Variants in SNX13 observed in about 807,000 individuals in gnomAD.
SNX13 encodes sorting nexin 13.
In SNX13, 45 loss-of-function variants were observed where a neutral mutation model predicts 133.6. The ratio of observed to expected loss-of-function variants is 0.34; its 90% confidence interval spans 0.27 to 0.43. SNX13 has a LOEUF of 0.43. Ranked by LOEUF, SNX13 falls within the 20% of genes least tolerant of loss-of-function variation. The pLI is 1.00. For synonymous variants in SNX13, 414 were observed against 373.9 expected (o/e 1.11, Z -1.24); for missense variants, 1,032 against 1,145.1 (o/e 0.90, Z 1.43).
intron 5 of SNX13, chr7:17,882,938 G>A (rs773025953): frequency 9.0e-5 from 67 of 744,284 alleles, no homozygotes; most frequent in South Asian, 1.7e-4. Context: ...GCGACAGGGC[G>A]AGACTCTGTC....
intron 8 of SNX13, among the ~76,000 whole-genome samples, chr7:17,871,166 C>T (rs1339490223): frequency 6.6e-6 from 1 of 152,108 alleles, no homozygotes; most frequent in South Asian, 2.1e-4. Flanking sequence ...CCACCATGCC[C>T]AGCTAATTTT....
In SNX13 at chr7:17,875,726, A is replaced by AGT. The variant is rs1562824547; in HGVS notation, c.503_504dup (p.Leu169ThrfsTer12). 6.2e-7 allele frequency: 1 copy of AGT among 1,612,834 alleles called. No homozygotes were observed. The highest frequency in any genetic ancestry group is 1.7e-5 in the Admixed American group (1 of 59,886). On this transcript the variant is annotated frameshift_variant, in exon 6 of 26. Coordinates refer to ENST00000428135, the MANE Select transcript of SNX13 (RefSeq NM_015132.5). LOFTEE classifies it high-confidence loss of function. ...TGTTGAGCCTTTCTGAATACTCGTAAGTGTGTGCCAAAGTCATCTACAATG... is the reference window on the plus strand; with the variant it reads ...TGTTGAGCCTTTCTGAATACTCGTAAGTGTGTGTGCCAAAGTCATCTACAATG...
At chr7:17,924,687 T>A (rs1045831500) in intron 1 of SNX13, among the ~76,000 whole-genome samples, 1 of 152,184 alleles carries the variant, frequency 6.6e-6, no homozygotes, top group Non-Finnish European at 1.5e-5. Context: ...ACAGCAGCAT[T>A]ATTTGTAATG....
At chr7:17,890,054 G>A (rs959037084) in intron 5 of SNX13, 6 of 197,042 alleles carry the variant, frequency 3.0e-5, no homozygotes, top group Non-Finnish European at 4.1e-5. Context: ...GGAAGGGGGA[G>A]GGGGGAAGTA....
intron 5 of SNX13, chr7:17,882,752 T>A (rs1223965898): frequency 1.8e-6 from 2 of 1,132,492 alleles, no homozygotes; most frequent in Non-Finnish European, 2.2e-6. Context: ...AATCTTACTA[T>A]TTTAGAACTG....
intron 1 of SNX13, among the ~76,000 whole-genome samples, chr7:17,901,861 T>C (rs1388798993): frequency 6.6e-6 from 1 of 152,204 alleles, no homozygotes; most frequent in South Asian, 2.1e-4. Flanking sequence ...GGACAATCAG[T>C]GGAGGCTTCT....
chr7:17,894,035 G>A (rs1796935545), intron 2 of SNX13, among the ~76,000 whole-genome samples: 1 of 151,060 alleles, frequency 6.6e-6, no homozygotes, highest in South Asian at 2.1e-4. Context: ...GAGCACAGTG[G>A]CTCACACCTG....
chr7:17,836,719 A>C (rs1789178256), intron 13 of SNX13, among the ~76,000 whole-genome samples: 1 of 152,046 alleles, frequency 6.6e-6, no homozygotes, highest in African/African-American at 2.4e-5. Context: ...TGTAATTTAC[A>C]ATGTTTCTGT....
At chr7:17,834,921 C>A in intron 13 of SNX13, 56 bp from the exon 14 acceptor site, 1 of 1,017,844 alleles carries the variant, frequency 9.8e-7, no homozygotes, top group Non-Finnish European at 1.5e-6. Context: ...CAAGATGATA[C>A]TTGATAGTAT....
chr7:17,805,702 T>C (rs1785214763), intron 20 of SNX13, among the ~76,000 whole-genome samples: 1 of 152,224 alleles, frequency 6.6e-6, no homozygotes, highest in Non-Finnish European at 1.5e-5. Context: ...CACATGCTTA[T>C]CTAGGCATGA....
intron 1 of SNX13, among the ~76,000 whole-genome samples, chr7:17,919,279 C>T (rs1210127873): frequency 6.6e-6 from 1 of 152,098 alleles, no homozygotes; most frequent in Non-Finnish European, 1.5e-5. Context: ...CCATATACAC[C>T]TAAAAATCAG....
intron 1 of SNX13, among the ~76,000 whole-genome samples, chr7:17,923,495 A>G (rs1163520909): frequency 6.6e-6 from 1 of 152,198 alleles, no homozygotes; most frequent in African/African-American, 2.4e-5. Flanking sequence ...GACGATCCTC[A>G]AGAATACCAT....
intron 15 of SNX13, among the ~76,000 whole-genome samples, chr7:17,832,933 G>C (rs1437020545): frequency 6.6e-6 from 1 of 151,404 alleles, no homozygotes; most frequent in East Asian, 1.9e-4. Flanking sequence ...GGAGAGGGGA[G>C]GCTGGGAGAC....
At chr7:17,873,407 C>T (rs930548991) in intron 8 of SNX13, 121 bp downstream of exon 8, 7 of 455,348 alleles carry the variant, frequency 1.5e-5, no homozygotes, top group African/African-American at 1.4e-4. Context: ...CTCACATAAA[C>T]AAAAGCTCTT....
At chr7:17,839,722 TAGTC>T (rs1789643123) in intron 13 of SNX13, 81 bp downstream of exon 13, 5 of 1,049,050 alleles carry the variant, frequency 4.8e-6, no homozygotes, top group Admixed American at 3.0e-5. Flanking sequence ...GTTTTCGAGG[TAGTC>T]AGCCTGGCAT....
intron 8 of SNX13, among the ~76,000 whole-genome samples, chr7:17,870,435 G>A (rs1793954399): frequency 6.6e-6 from 1 of 152,174 alleles, no homozygotes; most frequent in African/African-American, 2.4e-5. Flanking sequence ...CTTGCTGAAT[G>A]CATGGTCTGC....
intron 1 of SNX13, among the ~76,000 whole-genome samples, chr7:17,930,659 T>C (rs965865531): frequency 6.6e-6 from 1 of 152,216 alleles, no homozygotes; most frequent in Admixed American, 6.5e-5. Flanking sequence ...GAAAGTATAT[T>C]ATTTCAGTTT....
At chr7:17,818,971 G>GT (rs1786979817) in intron 18 of SNX13, among the ~76,000 whole-genome samples, 1 of 152,122 alleles carries the variant, frequency 6.6e-6, no homozygotes, top group Non-Finnish European at 1.5e-5. Flanking sequence ...GAAATGCACA[G>GT]TAGCTATTAC....
chr7:17,896,229 C>G (rs1797193788), intron 2 of SNX13, among the ~76,000 whole-genome samples: 1 of 152,122 alleles, frequency 6.6e-6, no homozygotes, highest in African/African-American at 2.4e-5. Context: ...ACTCTTATGG[C>G]TGAAATAAGT....
Sources: gnomAD v4.1 joint callset for allele counts (sites outside exome capture counted in the v4.1 genomes callset) on GRCh38, gnomAD v4.1.1 for gene constraint, MANE v1.5 for transcripts, NCBI Gene and HGNC (gene_info 2026-07-23, HGNC 2026-07-21) for gene names.